FRMD4A: variants seen among roughly 807,000 people sequenced by gnomAD.
The protein encoded by FRMD4A is FERM domain containing 4A.
In FRMD4A, 29 loss-of-function variants were observed where a neutral mutation model predicts 129.1. The ratio of observed to expected loss-of-function variants is 0.22; its 90% CI spans 0.17 to 0.31. FRMD4A has a LOEUF of 0.31. FRMD4A is among the 10% of genes least tolerant of loss of function. The pLI, the probability that FRMD4A is intolerant of heterozygous loss-of-function variation, is 1.00. For missense variants in FRMD4A, 1,272 were observed against 1,375.8 expected (o/e 0.92, Z 1.19); for synonymous variants, 634 against 571.6 (o/e 1.11, Z -1.56).
chr10:14,312,402 C>T (rs1456449810), intron 2 of FRMD4A, among the ~76,000 whole-genome samples: 3 of 152,180 alleles, frequency 2.0e-5, no homozygotes, highest in African/African-American at 4.8e-5. Context: ...GAATTAAAAA[C>T]TAATTCGCAT....
chr10:13,684,703 C>A (rs2084918931), intron 15 of FRMD4A: 3 of 985,136 alleles, frequency 3.0e-6, no homozygotes, highest in Non-Finnish European at 3.6e-6. Flanking sequence ...GTTTTTGACA[C>A]AGAGGGGATA....
At chr10:14,188,472 C>T (rs7919543) in intron 2 of FRMD4A, among the ~76,000 whole-genome samples, 38,763 of 152,144 alleles carry the variant, frequency 0.25, 5,107 homozygotes, top group Admixed American at 0.31. Flanking sequence ...AACTCATTAT[C>T]CAATCATTCC....
rs188074349 is a variant in FRMD4A, at chr10:13,726,935, G to A, written c.759+10909C>T. 3.4e-4 allele frequency among the ~76,000 whole-genome samples: 52 copies of A among 151,238 alleles called. No individual in the cohort carries two copies. The East Asian group carries it at 7.5e-3, about 22-fold the overall frequency. ...TTCTGAGACAGGGTCCCACGATGTC[G>A]CTCTGTCGCCCAGGCTGGAGTGCGA... On this transcript the variant is annotated intron_variant, in intron 12 of 24. Coordinates refer to ENST00000357447, the MANE Select transcript of FRMD4A (RefSeq NM_018027.5).
intron 2 of FRMD4A, among the ~76,000 whole-genome samples, chr10:14,084,169 C>A (rs538522639): frequency 6.6e-6 from 1 of 152,182 alleles, no homozygotes; most frequent in Admixed American, 6.5e-5. Flanking sequence ...TTCCTCTAGA[C>A]AGAGTCTTGA....
chr10:14,010,676 T>TTTTTTTTTTTTTTTG (rs2095679080), intron 2 of FRMD4A, among the ~76,000 whole-genome samples: 1 of 145,110 alleles, frequency 6.9e-6, no homozygotes, highest in Non-Finnish European at 1.5e-5. Context: ...TTTTTTTTTT[T>TTTTTTTTTTTTTTTG]TTTTTTTTTT....
chr10:13,822,568 C>G (rs144780739), intron 3 of FRMD4A, among the ~76,000 whole-genome samples: 2 of 152,104 alleles, frequency 1.3e-5, no homozygotes. Flanking sequence ...TGTTCTACCA[C>G]GAGACAGGAT....
intron 3 of FRMD4A, among the ~76,000 whole-genome samples, chr10:13,846,664 G>C (rs1313409938): frequency 6.6e-6 from 1 of 152,262 alleles, no homozygotes; most frequent in African/African-American, 2.4e-5. Context: ...CATAGGGCCT[G>C]CCCAGAGAGT....
intron 2 of FRMD4A, among the ~76,000 whole-genome samples, chr10:13,961,582 C>G (rs2095445804): frequency 6.6e-6 from 1 of 152,188 alleles, no homozygotes; most frequent in Non-Finnish European, 1.5e-5. Context: ...GTGACTTCTG[C>G]CCATTCACCT....
At chr10:13,661,992 G>A (rs2082673915) in intron 19 of FRMD4A, among the ~76,000 whole-genome samples, 1 of 152,166 alleles carries the variant, frequency 6.6e-6, no homozygotes, top group Non-Finnish European at 1.5e-5. Context: ...GCAAAAGGAT[G>A]TGCCGACACC....
chr10:14,222,730 GA>G (rs201713185), intron 2 of FRMD4A, among the ~76,000 whole-genome samples: 8 of 150,502 alleles, frequency 5.3e-5, no homozygotes, highest in East Asian at 1.9e-4. Context: ...AATCTCCTTG[GA>G]AAAAAAAACA....
At position 14,309,638 on chromosome 10, in the gene FRMD4A, T is replaced by G. The variant is rs919887857; in HGVS notation, c.45+20420A>C. The stretch of plus-strand genomic sequence containing the variant: ...TAGCCACCAGTCATTAAGGCTTCAC[T>G]GAGCAGCATTCGAACCCCAGCCTCC... On this transcript the variant is annotated intron_variant, in intron 2 of 24. Transcript: ENST00000357447. Among the ~76,000 whole-genome samples, 3 of 152,252 alleles carry G rather than the reference T, an allele frequency of 2.0e-5. No individual in the cohort carries two copies. The East Asian group carries it at 5.8e-4, about 29-fold the overall frequency.
At chr10:13,648,684 C>T (rs1245310853) in intron 24 of FRMD4A, 2 of 152,224 alleles carry the variant, frequency 1.3e-5, no homozygotes, top group Non-Finnish European at 2.9e-5. Context: ...GCCCGGGCTC[C>T]AGTGACATCG....
chr10:14,303,652 G>A (rs532493337), intron 2 of FRMD4A, among the ~76,000 whole-genome samples: 1 of 152,294 alleles, frequency 6.6e-6, no homozygotes, highest in East Asian at 1.9e-4. Context: ...GCTGACACAG[G>A]CAGCAATTGT....
chr10:14,037,683 A>G (rs1370934817), intron 2 of FRMD4A, among the ~76,000 whole-genome samples: 1 of 152,092 alleles, frequency 6.6e-6, no homozygotes, highest in Non-Finnish European at 1.5e-5. Context: ...GACATTGTCA[A>G]TTTTGCTCCC....
chr10:13,669,198 T>TA lies in FRMD4A; in HGVS notation c.1374+1207dup, dbSNP rs566530109. The stretch of plus-strand genomic sequence containing the variant: ...CCTCAGCCTCCTGAGTAGCTGGGAT[T>TA]ACAGGCATACACCACCATGCCTGGC... On this transcript the variant is annotated intron_variant, in intron 17 of 24. Coordinates refer to ENST00000357447, the MANE Select transcript of FRMD4A (RefSeq NM_018027.5). Among the ~76,000 whole-genome samples the TA allele has an allele frequency of 2.8e-3, 425 of 151,976 alleles. 1 individual carries two copies. Among genetic ancestry groups the TA allele is most frequent in the South Asian group, 0.017 (82 of 4,806 alleles).
chr10:13,752,114 A>C (rs749752997), intron 8 of FRMD4A, among the ~76,000 whole-genome samples: 1 of 152,250 alleles, frequency 6.6e-6, no homozygotes. Flanking sequence ...TCTTATCTTT[A>C]ATATGAATCA....
In FRMD4A at chr10:13,656,838, C is replaced by A; in HGVS notation, c.2751G>T (p.Lys917Asn). The A allele has an allele frequency of 6.5e-7, 1 of 1,527,728 alleles. No individual in the cohort carries two copies. Among genetic ancestry groups the A allele is most frequent in the Non-Finnish European group, 8.8e-7 (1 of 1,141,212 alleles). The allele number at this position is 1,527,728 out of a possible 1,614,324, so 94.6% of individuals were successfully genotyped here. Residue 917 changes from lysine to asparagine, a missense_variant, in exon 22 of 25, where the codon AAG becomes AAT. Transcript: ENST00000357447. ...PSLGREGAHD[K>N]GAGRAAVSDE... ...CTGAGACGGCGGCACGGCCCGCGCCCTTGTCGTGGGCGCCCTCGCGGCCCA... is the reference window on the plus strand; with the variant it reads ...CTGAGACGGCGGCACGGCCCGCGCCATTGTCGTGGGCGCCCTCGCGGCCCA...
chr10:13,720,839 A>G (rs2089346022), intron 12 of FRMD4A, among the ~76,000 whole-genome samples: 1 of 152,194 alleles, frequency 6.6e-6, no homozygotes, highest in East Asian at 1.9e-4. Flanking sequence ...TTGCTGTACA[A>G]GTGTAGAAAA....
chr10:14,059,931 A>G (rs537524852), intron 2 of FRMD4A, among the ~76,000 whole-genome samples: 1 of 152,332 alleles, frequency 6.6e-6, no homozygotes, highest in Admixed American at 6.5e-5. Flanking sequence ...ACTAGATGCT[A>G]TTATTACACC....
Sources: allele counts gnomAD v4.1 joint callset (sites outside exome capture counted in the v4.1 genomes callset), GRCh38; gene constraint gnomAD v4.1.1; transcripts MANE v1.5; gene names NCBI Gene and HGNC (gene_info 2026-07-23, HGNC 2026-07-21).